TMBIM6: variants seen among roughly 807,000 people sequenced by gnomAD.
The protein encoded by TMBIM6 is bax inhibitor 1.
TMBIM6 carries 13 observed loss-of-function variants against 31.4 expected under a neutral mutation model. The observed-to-expected ratio is 0.41, with a 90% confidence interval of 0.27 to 0.66. The LOEUF (loss-of-function observed/expected upper bound fraction) is 0.66. TMBIM6 is among the 30% of genes least tolerant of loss of function. The pLI is 0.28. For synonymous variants in TMBIM6, 85 were observed against 101.7 expected (o/e 0.84, Z 0.99); for missense variants, 275 against 289.5 (o/e 0.95, Z 0.36).
Position 49,755,588 on chromosome 12 carries a change from T to C in TMBIM6, c.166-47T>C, listed in dbSNP as rs753895885. The C allele has an allele frequency of 4.4e-6, 7 of 1,600,588 alleles. No individual in the cohort carries two copies. In the Middle Eastern group the frequency reaches 5.0e-4, roughly 114 times the overall value. The stretch of plus-strand genomic sequence containing the variant: ...AATAAAGGTCTCTTGCAAAATAAAT[T>C]TGAAACTTTCAAGTGTTTAATGATT... On this transcript the variant is annotated intron_variant, in intron 3 of 9. Coordinates refer to ENST00000267115, the MANE Select transcript of TMBIM6 (RefSeq NM_003217.3).
chr12:49,752,507 A>G lies in TMBIM6; in HGVS notation c.14A>G (p.Asp5Gly). 6.2e-7 allele frequency: 1 copy of G among 1,613,568 alleles called. No homozygotes were observed. The highest frequency in any genetic ancestry group is 8.5e-7 in the Non-Finnish European group (1 of 1,179,960). Residue 5 changes from aspartate to glycine, a missense_variant, in exon 2 of 10, where the codon GAT becomes GGT. Transcript: ENST00000267115. MNIF[D>G]RKINFDALLK... ...GACTCTGGAACCATGAACATATTTG[A>G]TCGAAAGATCAACTTTGATGCGCTT...
At chr12:49,746,083 T>C (rs1179443017) in intron 1 of TMBIM6, among the ~76,000 whole-genome samples, 1 of 151,600 alleles carries the variant, frequency 6.6e-6, no homozygotes, top group African/African-American at 2.4e-5. Flanking sequence ...TTTCTCTCTT[T>C]TTTTTTTTTT....
chr12:49,757,731 A>G (rs1202724145), intron 4 of TMBIM6, among the ~76,000 whole-genome samples: 1 of 152,192 alleles, frequency 6.6e-6, no homozygotes, highest in Non-Finnish European at 1.5e-5. Context: ...TTAGAACGAA[A>G]GAAATGTTAG....
chr12:49,758,377 T>A lies in TMBIM6; in HGVS notation c.336-6T>A, dbSNP rs777246571. On this transcript the variant is annotated splice_region_variant and splice_polypyrimidine_tract_variant and intron_variant, in intron 5 of 9. Transcript: ENST00000267115. ...CCCTTAATCTAATGGTCTTTTTTTC[T>A]AACAGCATCCTTCCCACTGCTTTCA... The A allele has an allele frequency of 2.5e-6, 4 of 1,614,044 alleles. No homozygotes were observed. Among genetic ancestry groups the A allele is most frequent in the Non-Finnish European group, 3.4e-6 (4 of 1,179,996 alleles).
chr12:49,752,265 C>T (rs1360671378), intron 1 of TMBIM6, among the ~76,000 whole-genome samples, 199 bp from the exon 2 acceptor site: 1 of 152,108 alleles, frequency 6.6e-6, no homozygotes, highest in Non-Finnish European at 1.5e-5. Context: ...CATTCAATTC[C>T]TCTGTCGTCT....
intron 8 of TMBIM6, 34 bp from the exon 9 acceptor site, chr12:49,761,670 A>C: frequency 6.2e-7 from 1 of 1,607,296 alleles, no homozygotes; most frequent in Middle Eastern, 1.7e-4. Flanking sequence ...AAAAAGTCTG[A>C]AGTACAGATC....
intron 1 of TMBIM6, among the ~76,000 whole-genome samples, chr12:49,743,032 T>C (rs1945326826): frequency 1.4e-5 from 2 of 143,288 alleles, no homozygotes; most frequent in Admixed American, 1.5e-4. Context: ...TCGCCCAGGC[T>C]AGAGTGCAGT....
chr12:49,762,880 A>C lies in TMBIM6; in HGVS notation c.698A>C (p.Lys233Thr), dbSNP rs752054252. 6.2e-7 allele frequency: 1 copy of C among 1,613,040 alleles called. No individual in the cohort carries two copies. Among genetic ancestry groups the C allele is most frequent in the East Asian group, 2.2e-5 (1 of 44,860 alleles). Residue 233 changes from lysine (K) to threonine (T), a missense_variant, in exon 10 of 10, where the codon AAG (lysine) becomes ACG (threonine). Physicochemically the swap from Lys to Thr is moderately conservative, Grantham distance 78. Transcript: ENST00000267115. Reference protein sequence around the residue: ...MILAMNEKDKKKEKK With the variant: ...MILAMNEKDKTKEKK ...ATTTTTCTCCATTTCTAGGATAAGA[A>C]GAAAGAGAAGAAATGAAGTGACCAT... is the stretch of plus-strand genomic sequence containing the variant.
At chr12:49,759,791 G>T (rs1196526982) in intron 8 of TMBIM6, among the ~76,000 whole-genome samples, 1 of 142,104 alleles carries the variant, frequency 7.0e-6, no homozygotes. Flanking sequence ...TGGCAACAGA[G>T]CGAGACCCTG....
At chr12:49,746,832 C>G (rs373268157) in intron 1 of TMBIM6, among the ~76,000 whole-genome samples, 199 of 152,150 alleles carry the variant, frequency 1.3e-3, no homozygotes, top group South Asian at 0.011. Flanking sequence ...CTTCCCCCTC[C>G]TTTTTTTGTT....
rs1327384508 is a variant in TMBIM6 at position 49,762,850 on chromosome 12, G to A, written c.691-23G>A. 5 of 1,610,700 alleles carry A rather than the reference G, an allele frequency of 3.1e-6. No individual in the cohort carries two copies. The Admixed American group carries it at 5.0e-5, about 16-fold the overall frequency. ...AATGTCAAATGTCAAAAAATTAATT[G>A]GGTGATTTTTCTCCATTTCTAGGAT... On this transcript the variant is annotated intron_variant, in intron 9 of 9. Transcript: ENST00000267115.
In TMBIM6 at chr12:49,758,596, T is replaced by C. The variant is rs1445412619; in HGVS notation, c.434-87T>C. The C allele has an allele frequency of 6.5e-5, 101 of 1,559,284 alleles. 2 individuals are homozygous for C. The South Asian group carries it at 1.1e-3, about 16-fold the overall frequency. ...CTATTGAGTTGAGATTAACCTTCAT[T>C]CTGGGGGAAGTTAAGGAATGGCTTT... On this transcript the variant is annotated intron_variant, in intron 6 of 9. Transcript: ENST00000267115.
rs746134401 is a variant in TMBIM6 at position 49,752,487 on chromosome 12, T to C, written c.-7T>C. 3.1e-6 allele frequency: 5 copies of C among 1,613,674 alleles called. No individual in the cohort carries two copies. In the South Asian group the frequency reaches 3.3e-5, roughly 11 times the overall value. ...AGAGTGGAGACTGCTGCACGGACTC[T>C]GGAACCATGAACATATTTGATCGAA... On this transcript the variant is annotated 5_prime_UTR_variant, in exon 2 of 10. Coordinates refer to ENST00000267115, the MANE Select transcript of TMBIM6 (RefSeq NM_003217.3).
At chr12:49,755,520 G>T in intron 3 of TMBIM6, 115 bp from the exon 4 acceptor site, 7 of 1,353,518 alleles carry the variant, frequency 5.2e-6, no homozygotes, top group Non-Finnish European at 7.1e-6. Flanking sequence ...CTGCCTCCAG[G>T]TTATAAGCAA....
intron 6 of TMBIM6, 78 bp from the exon 7 acceptor site, chr12:49,758,605 A>G (rs1056861087): frequency 7.7e-6 from 12 of 1,560,658 alleles, no homozygotes; most frequent in Non-Finnish European, 9.7e-6. Context: ...TTCTGGGGGA[A>G]GTTAAGGAAT....
chr12:49,743,259 C>T (rs1025708849), intron 1 of TMBIM6, among the ~76,000 whole-genome samples: 2 of 150,584 alleles, frequency 1.3e-5, no homozygotes, highest in South Asian at 2.1e-4. Context: ...TTTTTTGAGA[C>T]AGTCTCACTC....
intron 4 of TMBIM6, among the ~76,000 whole-genome samples, chr12:49,757,512 A>G: frequency 6.6e-6 from 1 of 152,236 alleles, no homozygotes; most frequent in East Asian, 1.9e-4. Flanking sequence ...CTCTTCTAGA[A>G]TTGTCATAAA....
rs141300503 is a variant in TMBIM6 at position 49,745,935 on chromosome 12, G to A, written c.-31+4324G>A. Among the ~76,000 whole-genome samples, 135 of 152,260 alleles carry A rather than the reference G, an allele frequency of 8.9e-4. 1 individual carries two copies. In the East Asian group the frequency reaches 9.4e-3, roughly 11 times the overall value. On this transcript the variant is annotated intron_variant, in intron 1 of 9. Transcript: ENST00000267115. ...AGCTATAATGTTTGGTAGGTTATAT[G>A]TAGTAAGTGCATAAATTACGATACT...
intron 4 of TMBIM6, among the ~76,000 whole-genome samples, 181 bp from the exon 5 acceptor site, chr12:49,758,046 A>C (rs961299631): frequency 1.2e-4 from 19 of 152,204 alleles, no homozygotes; most frequent in East Asian, 1.9e-4. Flanking sequence ...AAAAAAAAAA[A>C]ACAACGCAGT....
Sources: gnomAD v4.1 joint callset for allele counts (sites outside exome capture counted in the v4.1 genomes callset) on GRCh38, gnomAD v4.1.1 for gene constraint, MANE v1.5 for transcripts, NCBI Gene and HGNC (gene_info 2026-07-23, HGNC 2026-07-21) for gene names.